ATAD2B: variants seen among roughly 807,000 people sequenced by gnomAD.
ATAD2B encodes ATPase family AAA domain-containing protein 2B.
A neutral mutation model predicts 167.6 loss-of-function variants in ATAD2B; 40 were observed. The observed-to-expected ratio is 0.24, with a 90% CI of 0.19 to 0.31. The LOEUF is 0.31. ATAD2B is among the 10% of genes least tolerant of loss of function. ATAD2B has a pLI of 1.00. For missense variants in ATAD2B, 1,242 were observed against 1,757.2 expected (o/e 0.71, Z 5.24); for synonymous variants, 579 against 596.5 (o/e 0.97, Z 0.43).
intron 13 of ATAD2B, among the ~76,000 whole-genome samples, chr2:23,849,983 T>C (rs568598510): frequency 8.6e-4 from 130 of 151,094 alleles, no homozygotes; most frequent in African/African-American, 3.0e-3. Flanking sequence ...ATGACTTTAA[T>C]ACAAAAAAAA....
At chr2:23,681,989 C>T in the ATAD2B span, among the ~76,000 whole-genome samples, 4 of 152,128 alleles carry the variant, frequency 2.6e-5, no homozygotes, top group African/African-American at 9.7e-5. The surrounding 1 kb of genome is among the most constrained non-coding windows in gnomAD (Gnocchi z 4.2). Flanking sequence ...CTCTATCCAC[C>T]GCCTCCTACC....
the ATAD2B span, among the ~76,000 whole-genome samples, chr2:23,716,585 T>A: frequency 1.3e-5 from 2 of 152,220 alleles, no homozygotes; most frequent in Non-Finnish European, 2.9e-5. Flanking sequence ...AGTTTCTTGA[T>A]CCTTTCCATT....
chr2:23,903,981 G>T, intron 1 of ATAD2B, among the ~76,000 whole-genome samples: 1 of 152,046 alleles, frequency 6.6e-6, no homozygotes, highest in East Asian at 1.9e-4. Context: ...GGTGGTGTGG[G>T]GAGCCAGGGA....
the ATAD2B span, chr2:23,707,339 T>A: frequency 1.6e-4 from 24 of 152,218 alleles, no homozygotes; most frequent in African/African-American, 5.8e-4. Flanking sequence ...GCTAGCTTTC[T>A]CTTACCCGGT....
In ATAD2B at chr2:23,798,281, T is replaced by C. The variant is rs763712757; in HGVS notation, c.2497A>G (p.Met833Val). Residue 833 changes from methionine (M) to valine (V), a missense_variant, in exon 19 of 28, where the codon ATG (methionine) becomes GTG (valine). By Grantham distance (21) the Met-to-Val change is conservative (BLOSUM62 1). Transcript: ENST00000238789. Reference protein sequence around the residue: ...ARRTVPSIVYMPHIGDWWEAV... With the variant: ...ARRTVPSIVYVPHIGDWWEAV... ...TCCCACCAATCCCCAATGTGAGGCA[T>C]GTAAACAATACTAGGTACTGTTCTT... The C allele has an allele frequency of 1.9e-6, 3 of 1,612,932 alleles. No homozygotes were observed. Among genetic ancestry groups the C allele is most frequent in the South Asian group, 1.1e-5 (1 of 90,964 alleles).
At chr2:23,723,144 T>C in the ATAD2B span, among the ~76,000 whole-genome samples, 1 of 152,020 alleles carries the variant, frequency 6.6e-6, no homozygotes, top group Admixed American at 6.5e-5. Context: ...GTACAAAAAA[T>C]TAGCCAGACT....
chr2:23,888,982 T>C (rs528711273), intron 2 of ATAD2B, among the ~76,000 whole-genome samples: 3 of 152,288 alleles, frequency 2.0e-5, no homozygotes, highest in Admixed American at 1.3e-4. Context: ...ACATGAGGAC[T>C]AGGAAAAAGT....
At chr2:23,683,776 T>C in the ATAD2B span, among the ~76,000 whole-genome samples, 1 of 152,146 alleles carries the variant, frequency 6.6e-6, no homozygotes, top group African/African-American at 2.4e-5. Flanking sequence ...AGGGTCCCTG[T>C]CCCTTGCTTG....
chr2:23,882,442 C>T (rs1050533193), intron 6 of ATAD2B, among the ~76,000 whole-genome samples: 18 of 150,156 alleles, frequency 1.2e-4, no homozygotes, highest in Admixed American at 9.3e-4. Context: ...GTGATCCACC[C>T]GCCTCAGCCT....
At chr2:23,790,401 C>A (rs537488687) in intron 19 of ATAD2B, among the ~76,000 whole-genome samples, 9 of 152,092 alleles carry the variant, frequency 5.9e-5, no homozygotes, top group Non-Finnish European at 1.2e-4. Flanking sequence ...ATATCCTAGA[C>A]GTACCACGAT....
At chr2:23,837,484 C>T (rs1292320562) in intron 13 of ATAD2B, among the ~76,000 whole-genome samples, 7 of 152,182 alleles carry the variant, frequency 4.6e-5, no homozygotes, top group Non-Finnish European at 1.0e-4. Flanking sequence ...ACAACTTGGG[C>T]GGCTGCAGCT....
chr2:23,733,106 A>G, the ATAD2B span, among the ~76,000 whole-genome samples: 3 of 152,240 alleles, frequency 2.0e-5, no homozygotes, highest in Admixed American at 1.3e-4. Context: ...CACCCCTACC[A>G]TCTCCATTCT....
chr2:23,913,640 G>GGA (rs1558793009), intron 1 of ATAD2B, among the ~76,000 whole-genome samples: 1 of 94,810 alleles, frequency 1.1e-5, no homozygotes, highest in Admixed American at 1.2e-4. Context: ...ACTCTCTTGA[G>GGA]AAAAAAAAAA....
At chr2:23,792,947 CGA>C (rs561318779) in intron 19 of ATAD2B, among the ~76,000 whole-genome samples, 2,424 of 104,700 alleles carry the variant, frequency 0.023, 84 homozygotes, top group African/African-American at 0.085. Context: ...TGGGCAACAG[CGA>C]GAGACTCTGT....
chr2:23,883,886 G>A (rs1265304453), intron 6 of ATAD2B, among the ~76,000 whole-genome samples: 1 of 152,178 alleles, frequency 6.6e-6, no homozygotes, highest in Admixed American at 6.5e-5. Context: ...GCTCACGCCT[G>A]TAATGCTAGC....
chr2:23,884,111 T>A (rs557186235), intron 6 of ATAD2B, among the ~76,000 whole-genome samples: 35 of 152,132 alleles, frequency 2.3e-4, no homozygotes, highest in African/African-American at 7.2e-4. Flanking sequence ...GCCACTGTAC[T>A]CCAGCCTGGG....
the ATAD2B span, among the ~76,000 whole-genome samples, chr2:23,716,226 T>G: frequency 6.6e-6 from 1 of 152,330 alleles, no homozygotes; most frequent in African/African-American, 2.4e-5. Flanking sequence ...GATCCCATAT[T>G]ATAGACACAT....
At chr2:23,704,100 A>G in the ATAD2B span, among the ~76,000 whole-genome samples, 1 of 152,204 alleles carries the variant, frequency 6.6e-6, no homozygotes, top group Non-Finnish European at 1.5e-5. Flanking sequence ...TCCAGCAGAA[A>G]TGAACCATTT....
intron 12 of ATAD2B, among the ~76,000 whole-genome samples, chr2:23,858,684 T>G (rs527980427): frequency 6.6e-6 from 1 of 152,040 alleles, no homozygotes; most frequent in South Asian, 2.1e-4. Context: ...GTTCTCACTA[T>G]GTTGCCCGGG....
Sources: allele counts gnomAD v4.1 joint callset (sites outside exome capture counted in the v4.1 genomes callset), GRCh38; gene constraint gnomAD v4.1.1; non-coding constraint Gnocchi (gnomAD v3.1); transcripts MANE v1.5; gene names NCBI Gene and HGNC (gene_info 2026-07-23, HGNC 2026-07-21).